The following HMCN1 variants were observed in gnomAD, a reference collection of about 807,000 sequenced individuals.
HMCN1 encodes the protein hemicentin 1.
HMCN1 carries 321 observed loss-of-function variants against 625.9 expected under a neutral mutation model. The ratio of observed to expected loss-of-function variants is 0.51; its 90% CI spans 0.47 to 0.56. The LOEUF is 0.56. Among genes scored for constraint, HMCN1 ranks in the 20% least tolerant of loss-of-function variants. The pLI is 0.00. For synonymous variants in HMCN1, 2,425 were observed against 2,417.6 expected (o/e 1.00, Z -0.09); for missense variants, 6,588 against 6,887.3 (o/e 0.96, Z 1.54).
chr1:185,987,228 T>G (rs1652062048), intron 19 of HMCN1, among the ~76,000 whole-genome samples: 1 of 152,230 alleles, frequency 6.6e-6, no homozygotes, highest in African/African-American at 2.4e-5. Context: ...TAAGTTTTTA[T>G]TTCATTTTTC....
At chr1:186,063,377 C>A (rs577374285) in intron 48 of HMCN1, among the ~76,000 whole-genome samples, 31 of 128,404 alleles carry the variant, frequency 2.4e-4, no homozygotes, top group Admixed American at 1.5e-3. Context: ...AAAGGAAATA[C>A]CAAAAAGAAA....
At chr1:186,020,415 A>G (rs1654647106) in intron 35 of HMCN1, among the ~76,000 whole-genome samples, 1 of 151,994 alleles carries the variant, frequency 6.6e-6, no homozygotes, top group South Asian at 2.1e-4. Context: ...TTCCTTTTTT[A>G]GTAGACGTGG....
rs1654274575 is a variant in HMCN1 at position 186,015,141 on chromosome 1, T to C, written c.4631-18T>C. On this transcript the variant is annotated intron_variant, in intron 30 of 106. Transcript: ENST00000271588. The stretch of plus-strand genomic sequence containing the variant: ...CTGAAACTTAGATGACTTGTTTTTG[T>C]TCTGAAATCCTTTGTAGTTCCACCT... 4 of 1,611,672 alleles carry C rather than the reference T, an allele frequency of 2.5e-6. No homozygotes were observed. The highest frequency in any genetic ancestry group is 1.3e-5 in the African/African-American group (1 of 74,870).
intron 103 of HMCN1, among the ~76,000 whole-genome samples, chr1:186,176,605 A>T (rs1417994271): frequency 2.0e-5 from 3 of 152,224 alleles, no homozygotes; most frequent in Non-Finnish European, 4.4e-5. Context: ...GTGTTGGATG[A>T]TGTTCTAGGT....
chr1:186,114,247 T>C, intron 73 of HMCN1, 124 bp downstream of exon 73: 1 of 1,006,162 alleles, frequency 9.9e-7, no homozygotes, highest in Non-Finnish European at 1.5e-6. Context: ...AATACGAGAA[T>C]CAAAATTTAG....
At chr1:185,846,124 G>A (rs1357475176) in intron 2 of HMCN1, 28 bp downstream of exon 2, 8 of 1,488,648 alleles carry the variant, frequency 5.4e-6, no homozygotes, top group Non-Finnish European at 1.9e-6. Flanking sequence ...GTGTTCTCTT[G>A]GGGGAATGGA....
chr1:185,970,681 C>T (rs1266609621), intron 15 of HMCN1, among the ~76,000 whole-genome samples, 188 bp downstream of exon 15: 4 of 149,910 alleles, frequency 2.7e-5, no homozygotes, highest in African/African-American at 7.4e-5. Context: ...TTTTTTGATA[C>T]GGAGTCTCAC....
At chr1:186,128,010 A>G (rs1661732500) in intron 82 of HMCN1, 68 bp from the exon 83 acceptor site, 2 of 1,324,134 alleles carry the variant, frequency 1.5e-6, no homozygotes, top group Middle Eastern at 1.8e-4. Flanking sequence ...TAGCTATGCA[A>G]TTTGATGTAT....
At chr1:186,043,937 C>T (rs1383756660) in intron 40 of HMCN1, among the ~76,000 whole-genome samples, 1 of 152,014 alleles carries the variant, frequency 6.6e-6, no homozygotes, top group Admixed American at 6.6e-5. Flanking sequence ...AAAAATTAGC[C>T]AGGCGTGGTG....
At chr1:185,954,068 C>A (rs1490313532) in intron 11 of HMCN1, among the ~76,000 whole-genome samples, 14 of 151,530 alleles carry the variant, frequency 9.2e-5, no homozygotes, top group Admixed American at 4.0e-4. Flanking sequence ...GCCATTTACA[C>A]TTCTTTTGTG....
chr1:186,106,904 T>C lies in HMCN1; in HGVS notation c.10791T>C (p.Tyr3597=), dbSNP rs1033311174. ...STAQVEDTGR[Y]TCLASSPAGD... is the part of the protein sequence containing the mutation. ...TGTAGGTGGAGGATACAGGAAGATA[T>C]ACATGTCTGGCATCCAGTCCTGCAG... The change falls in exon 70 of 107, where the codon TAT becomes TAC. Residue 3597 remains tyrosine (Y), a synonymous_variant. Transcript: ENST00000271588. The C allele has an allele frequency of 1.2e-5, 20 of 1,611,410 alleles. No individual in the cohort carries two copies. Among genetic ancestry groups the C allele is most frequent in the Non-Finnish European group, 1.5e-5 (18 of 1,177,552 alleles).
intron 103 of HMCN1, among the ~76,000 whole-genome samples, chr1:186,175,931 A>G (rs1356789136): frequency 6.6e-6 from 1 of 151,682 alleles, no homozygotes; most frequent in Non-Finnish European, 1.5e-5. Flanking sequence ...AAAGAGTTAA[A>G]GAAACTGTCT....
At chr1:185,867,835 C>G (rs1208052277) in intron 4 of HMCN1, among the ~76,000 whole-genome samples, 1 of 152,114 alleles carries the variant, frequency 6.6e-6, no homozygotes, top group African/African-American at 2.4e-5. Flanking sequence ...CTTTGGGAGG[C>G]CGCAGCAGGT....
chr1:186,137,822 TG>T lies in HMCN1; in HGVS notation c.13776del (p.Trp4592Ter). ...PCPVDGSWSE[W>X]SLWEECTRSC... is the part of the protein sequence containing the mutation. ...TATAGTGGATGGTAGCTGGTCGGAA[TG>T]GAGTCTTTGGGAAGAATGCACAAGG... is the stretch of plus-strand genomic sequence containing the variant. On this transcript the variant is annotated frameshift_variant, in exon 89 of 107. Transcript: ENST00000271588. LOFTEE classifies it high-confidence loss of function. 1 of 1,614,072 alleles carries T rather than the reference TG, an allele frequency of 6.2e-7. No individual in the cohort carries two copies. The highest frequency in any genetic ancestry group is 1.1e-5 in the South Asian group (1 of 91,078).
At chr1:185,864,363 A>T in intron 2 of HMCN1, 107 bp from the exon 3 acceptor site, 1 of 1,050,466 alleles carries the variant, frequency 9.5e-7, no homozygotes. Flanking sequence ...ACAGAAAATA[A>T]AAAGGAAAAC....
rs137853915 is a variant in HMCN1 at position 186,019,552 on chromosome 1, A to T, written c.5482A>T (p.Ile1828Phe). The change falls in exon 35 of 107, where the codon ATC (isoleucine) becomes TTC (phenylalanine). Residue 1828 changes from isoleucine to phenylalanine, a missense_variant. Physicochemically the swap from Ile to Phe is conservative, Grantham distance 21. Transcript: ENST00000271588. ...FEVTVHVPPTIKSSGLSERVV... is the reference protein window; with the variant it reads ...FEVTVHVPPTFKSSGLSERVV... ...TTCCTTAAATATAGTTCCTCCAACA[A>T]TCAAGTCCTCAGGCCTTTCTGAGAG... 2.5e-6 allele frequency: 4 copies of T among 1,610,206 alleles called. No homozygotes were observed. In the South Asian group the frequency reaches 3.3e-5, roughly 13 times the overall value.
chr1:186,050,662 C>T (rs1656890582), intron 42 of HMCN1, among the ~76,000 whole-genome samples: 1 of 151,904 alleles, frequency 6.6e-6, no homozygotes, highest in African/African-American at 2.4e-5. Context: ...ATATGCAGAC[C>T]AGTACCTCTT....
chr1:186,157,597 C>A (rs1434419416), intron 97 of HMCN1, among the ~76,000 whole-genome samples: 1 of 152,168 alleles, frequency 6.6e-6, no homozygotes, highest in Non-Finnish European at 1.5e-5. Flanking sequence ...TAACTCCCCC[C>A]ACCCCAAAAC....
chr1:185,958,554 T>A (rs1424995746), intron 11 of HMCN1, among the ~76,000 whole-genome samples: 1 of 152,208 alleles, frequency 6.6e-6, no homozygotes, highest in Non-Finnish European at 1.5e-5. Flanking sequence ...TCATGCTTTG[T>A]CACACGTTGC....
Sources: allele counts gnomAD v4.1 joint callset (sites outside exome capture counted in the v4.1 genomes callset), GRCh38; gene constraint gnomAD v4.1.1; transcripts MANE v1.5; gene names NCBI Gene and HGNC (gene_info 2026-07-23, HGNC 2026-07-21).